Variants in HTR2C observed in about 807,000 individuals in gnomAD.
HTR2C encodes the protein 5-hydroxytryptamine (serotonin) receptor 2C, G protein-coupled.
Under a neutral mutation model 21.0 loss-of-function variants are expected in HTR2C, and 5 were observed. That is an observed-to-expected ratio of 0.24 (90% CI 0.12 to 0.50). The LOEUF (loss-of-function observed/expected upper bound fraction) is 0.50. Among genes scored for constraint, HTR2C ranks in the 20% least tolerant of loss-of-function variants. HTR2C has a pLI of 0.98. For synonymous variants in HTR2C, 150 were observed against 145.3 expected, an observed-to-expected ratio of 1.03 and a Z score of -0.23; for missense variants, 271 against 371.2, an observed-to-expected ratio of 0.73 and a Z score of 2.22.
intron 2 of HTR2C, among the ~76,000 whole-genome samples, chrX:114,683,375 CTT>C (rs11415683): frequency 1.3e-3 from 136 of 105,296 alleles, no homozygotes; most frequent in African/African-American, 4.4e-3. Context: ...ACTTTTAAAT[CTT>C]TTTTTTTTTC....
intron 1 of HTR2C, among the ~76,000 whole-genome samples, chrX:114,584,984 G>A (rs1331772827): frequency 9.4e-6 from 1 of 106,221 alleles, no homozygotes; most frequent in Non-Finnish European, 1.9e-5. Flanking sequence ...GAAGGCGGGG[G>A]TGGGGTCTCA....
At chrX:114,891,242 A>G (rs2071256838) in intron 5 of HTR2C, among the ~76,000 whole-genome samples, 1 of 111,125 alleles carries the variant, frequency 9.0e-6, no homozygotes, top group African/African-American at 3.3e-5. Context: ...ACCTGTTTTC[A>G]CATTTGGATC....
chrX:114,765,344 A>G (rs1305235370), intron 4 of HTR2C, among the ~76,000 whole-genome samples: 1 of 111,414 alleles, frequency 9.0e-6, no homozygotes, highest in African/African-American at 3.3e-5. Flanking sequence ...TATAACAAGT[A>G]CTATAATAGC....
At chrX:114,624,170 A>G (rs782374232) in intron 2 of HTR2C, among the ~76,000 whole-genome samples, 44 of 110,397 alleles carry the variant, frequency 4.0e-4, no homozygotes, top group Non-Finnish European at 6.8e-4. Flanking sequence ...TGCTAGGATT[A>G]TGGGCGTGAC....
chrX:114,682,316 C>T (rs1263321364), intron 2 of HTR2C, among the ~76,000 whole-genome samples: 2 of 110,918 alleles, frequency 1.8e-5, no homozygotes, highest in Non-Finnish European at 3.8e-5. Flanking sequence ...TTAAAATTTG[C>T]CATCTTCTGA....
rs782035919 is a variant in HTR2C, at chrX:114,699,766, TGTTGATTTTG to T, written c.-79-27091_-79-27082del. Among the ~76,000 whole-genome samples the T allele has an allele frequency of 3.8e-3, 420 of 111,852 alleles. 3 individuals are homozygous for T. The highest frequency in any genetic ancestry group is 0.013 in the African/African-American group (388 of 30,809). On this transcript the variant is annotated intron_variant, in intron 2 of 5. Coordinates refer to ENST00000276198, the MANE Select transcript of HTR2C (RefSeq NM_000868.4). ...TACCTCCACAACTTCACAATGATAA[TGTTGATTTTG>T]AAAAACCTTTCCATAGCTATAATTT...
chrX:114,673,856 A>T (rs1931465253), intron 2 of HTR2C, among the ~76,000 whole-genome samples: 1 of 111,873 alleles, frequency 8.9e-6, no homozygotes. Context: ...TATAGACTGA[A>T]ACTCAAAATT....
intron 4 of HTR2C, among the ~76,000 whole-genome samples, chrX:114,779,039 C>T (rs1402400272): frequency 1.8e-5 from 2 of 111,847 alleles, no homozygotes; most frequent in African/African-American, 3.2e-5. Flanking sequence ...ACTGACTAGG[C>T]TCCCCAGGAT....
At chrX:114,601,823 C>T (rs1190813960) in intron 1 of HTR2C, among the ~76,000 whole-genome samples, 1 of 101,282 alleles carries the variant, frequency 9.9e-6, no homozygotes, top group Non-Finnish European at 2.0e-5. Flanking sequence ...AGAGAATGGG[C>T]GATGTTTCTC....
chrX:114,669,372 C>G (rs189823688), intron 2 of HTR2C, among the ~76,000 whole-genome samples: 93 of 111,777 alleles, frequency 8.3e-4, no homozygotes, highest in African/African-American at 2.8e-3. Context: ...AGAAGAAAAA[C>G]TTCATAAAGC....
At chrX:114,836,672 C>A (rs1418920201) in intron 4 of HTR2C, among the ~76,000 whole-genome samples, 1 of 112,328 alleles carries the variant, frequency 8.9e-6, no homozygotes, top group East Asian at 2.8e-4. Context: ...TCTTCTGCAT[C>A]GCTCAGGCTG....
intron 5 of HTR2C, among the ~76,000 whole-genome samples, chrX:114,872,549 T>A (rs781845246): frequency 6.5e-4 from 72 of 110,409 alleles, no homozygotes; most frequent in African/African-American, 2.2e-3. Flanking sequence ...CTCGTGATTC[T>A]TCTCTGACTC....
At chrX:114,799,664 T>G (rs2070327370) in intron 4 of HTR2C, among the ~76,000 whole-genome samples, 1 of 110,659 alleles carries the variant, frequency 9.0e-6, no homozygotes, top group African/African-American at 3.3e-5. Flanking sequence ...CAGCAGTAGA[T>G]GTATTCATTC....
Position 114,907,094 on chromosome X carries a change from G to C in HTR2C, c.1056G>C (p.Val352=). 1 of 1,211,617 alleles carries C rather than the reference G, an allele frequency of 8.3e-7. No homozygotes were observed. The highest frequency in any genetic ancestry group is 1.1e-6 in the Non-Finnish European group (1 of 895,431). ...NQKLMEKLLN[V]FVWIGYVCSG... ...AGCTCATGGAAAAGCTTCTGAATGT[G>C]TTTGTTTGGATTGGCTATGTTTGTT... The change falls in exon 6 of 6, where the codon GTG becomes GTC. Residue 352 remains valine, a synonymous_variant. Coordinates refer to ENST00000276198, the MANE Select transcript of HTR2C (RefSeq NM_000868.4).
chrX:114,813,802 C>G (rs1333848184), intron 4 of HTR2C, among the ~76,000 whole-genome samples: 1 of 110,859 alleles, frequency 9.0e-6, no homozygotes, highest in Non-Finnish European at 1.9e-5. Context: ...ATATCATAGA[C>G]CATGTAAGTA....
intron 1 of HTR2C, among the ~76,000 whole-genome samples, chrX:114,590,206 A>G (rs1556390733): frequency 8.9e-6 from 1 of 112,054 alleles, no homozygotes; most frequent in Non-Finnish European, 1.9e-5. Flanking sequence ...ATTTCAGGGT[A>G]GAAAGACCAT....
intron 2 of HTR2C, among the ~76,000 whole-genome samples, chrX:114,713,054 T>C (rs912491961): frequency 8.9e-6 from 1 of 111,790 alleles, no homozygotes; most frequent in Admixed American, 9.6e-5. Context: ...TTTCATGCTA[T>C]GTAATCTAAA....
intron 5 of HTR2C, among the ~76,000 whole-genome samples, chrX:114,850,225 A>G (rs1243339979): frequency 9.0e-6 from 1 of 110,663 alleles, no homozygotes; most frequent in African/African-American, 3.3e-5. Flanking sequence ...CCTGGACAAC[A>G]TGATGAAACC....
At chrX:114,806,726 C>CAT (rs1214152811) in intron 4 of HTR2C, among the ~76,000 whole-genome samples, 1 of 82,960 alleles carries the variant, frequency 1.2e-5, no homozygotes, top group African/African-American at 4.5e-5. Context: ...ATATATACAC[C>CAT]ATATATATAC....
Sources: gnomAD v4.1 joint callset for allele counts (sites outside exome capture counted in the v4.1 genomes callset) on GRCh38, gnomAD v4.1.1 for gene constraint, MANE v1.5 for transcripts, NCBI Gene and HGNC (gene_info 2026-07-23, HGNC 2026-07-21) for gene names.